Variants in FBXO47 observed in about 807,000 individuals in gnomAD.
FBXO47 encodes the protein F-box protein 47, also known as F-box only protein 47.
Under a neutral mutation model 53.9 loss-of-function variants are expected in FBXO47, and 34 were observed. The ratio of observed to expected loss-of-function variants is 0.63; its 90% CI spans 0.48 to 0.84. FBXO47 has a LOEUF of 0.84. Among genes scored for constraint, FBXO47 ranks in the 40% least tolerant of loss-of-function variants. FBXO47 has a pLI of 0.00. For synonymous variants in FBXO47, 165 were observed against 181.6 expected (o/e 0.91, Z 0.73); for missense variants, 485 against 541.3 (o/e 0.90, Z 1.03).
intron 8 of FBXO47, among the ~76,000 whole-genome samples, chr17:38,943,271 A>G (rs969288568): frequency 1.3e-5 from 2 of 152,100 alleles, no homozygotes; most frequent in African/African-American, 4.8e-5. Flanking sequence ...TCCTTTACTC[A>G]CAGAAGAGGG....
chr17:38,954,946 C>T lies in FBXO47; in HGVS notation c.430-13G>A, dbSNP rs1426653506. ...TAAAGCAGGAAACCTGTAAAGAAAA[C>T]AATGTTAATACCTCCTTGTCAGTGA... On this transcript the variant is annotated splice_polypyrimidine_tract_variant and intron_variant, in intron 4 of 10. Coordinates refer to ENST00000378079, the MANE Select transcript of FBXO47 (RefSeq NM_001008777.3). 1.3e-6 allele frequency: 2 copies of T among 1,575,340 alleles called. No homozygotes were observed. The highest frequency in any genetic ancestry group is 1.7e-6 in the Non-Finnish European group (2 of 1,148,248).
At chr17:38,957,384 A>G (rs555771887) in intron 3 of FBXO47, 131 bp from the exon 4 acceptor site, 1 of 612,154 alleles carries the variant, frequency 1.6e-6, no homozygotes, top group Non-Finnish European at 2.8e-6. Context: ...ATGATTTCTA[A>G]GAGAAAGTTT....
At chr17:38,938,430 G>C (rs577848742) in intron 10 of FBXO47, 143 bp downstream of exon 10, 1 of 579,284 alleles carries the variant, frequency 1.7e-6, no homozygotes, top group South Asian at 3.6e-5. Context: ...CTTATTGTTA[G>C]TTTTTATTTT....
chr17:38,947,029 C>CATATAT lies in FBXO47; in HGVS notation c.617-1894_617-1893insATATAT, dbSNP rs1567717606. ...ATATGTAAATATATATAAACATATA[C>CATATAT]AAATATATGTAAATATATAAAAACA... On this transcript the variant is annotated intron_variant, in intron 6 of 10. Transcript: ENST00000378079. Among the ~76,000 whole-genome samples the CATATAT allele has an allele frequency of 5.5e-4, 69 of 126,134 alleles. 1 individual carries two copies. The highest frequency in any genetic ancestry group is 1.8e-3 in the African/African-American group (58 of 32,102). The allele number at this position is 126,134 out of a possible 152,430, so 82.7% of individuals were successfully genotyped here.
At chr17:38,952,744 T>A (rs1905356703) in intron 5 of FBXO47, among the ~76,000 whole-genome samples, 1 of 151,898 alleles carries the variant, frequency 6.6e-6, no homozygotes, top group Non-Finnish European at 1.5e-5. Flanking sequence ...CCCCTAGTTG[T>A]CATTTATGAT....
At chr17:38,955,115 C>T (rs66506335) in intron 4 of FBXO47, among the ~76,000 whole-genome samples, 182 bp from the exon 5 acceptor site, 25,173 of 152,064 alleles carry the variant, frequency 0.17, 2,375 homozygotes, top group Middle Eastern at 0.34. Flanking sequence ...CGGCTGCGCG[C>T]GGTGGCTCAT....
chr17:38,938,513 T>C (rs1370746831), intron 10 of FBXO47, 60 bp downstream of exon 10: 1 of 1,240,952 alleles, frequency 8.1e-7, no homozygotes, highest in Non-Finnish European at 1.1e-6. Flanking sequence ...ATCTCTGTTT[T>C]AGGTGGAGAC....
chr17:38,950,176 C>A (rs764945603), intron 6 of FBXO47, among the ~76,000 whole-genome samples: 4 of 151,956 alleles, frequency 2.6e-5, no homozygotes, highest in Non-Finnish European at 4.4e-5. Context: ...TAACTCCCCA[C>A]TCCCCCCTCC....
chr17:38,957,212 C>T lies in FBXO47; in HGVS notation c.394G>A (p.Glu132Lys), dbSNP rs1305441852. The change falls in exon 4 of 11, where the codon GAA becomes AAA. Residue 132 changes from glutamate to lysine, a missense_variant. Transcript: ENST00000378079. ...KRCTLLLPTK[E>K]RLKYIHKILT... Reference sequence around the variant, plus strand: ...ATCTTGTGAATGTATTTTAGCCTTTCCTTGGTGGGTAGCAGCAATGTGCAT... The same window carrying T: ...ATCTTGTGAATGTATTTTAGCCTTTTCTTGGTGGGTAGCAGCAATGTGCAT... 5 of 1,611,804 alleles carry T rather than the reference C, an allele frequency of 3.1e-6. No homozygotes were observed. The highest frequency in any genetic ancestry group is 4.2e-6 in the Non-Finnish European group (5 of 1,178,534).
At chr17:38,965,683 C>A (rs545298883) in intron 1 of FBXO47, among the ~76,000 whole-genome samples, 3 of 134,630 alleles carry the variant, frequency 2.2e-5, no homozygotes, top group African/African-American at 8.5e-5. Flanking sequence ...ACCATCCTGG[C>A]TAACACGGTG....
At chr17:38,960,621 ATTCT>A (rs1159023097) in intron 3 of FBXO47, among the ~76,000 whole-genome samples, 2 of 150,364 alleles carry the variant, frequency 1.3e-5, no homozygotes, top group African/African-American at 4.9e-5. Flanking sequence ...ATTAAAAATA[ATTCT>A]TTCTCTTTTT....
intron 9 of FBXO47, among the ~76,000 whole-genome samples, chr17:38,942,190 AT>A (rs902091866): frequency 1.4e-4 from 22 of 151,896 alleles, no homozygotes; most frequent in African/African-American, 4.1e-4. Flanking sequence ...TTAACATGGA[AT>A]TTTTTTTTAA....
chr17:38,967,011 C>T (rs565957131), intron 1 of FBXO47, among the ~76,000 whole-genome samples: 3 of 151,908 alleles, frequency 2.0e-5, no homozygotes, highest in Non-Finnish European at 4.4e-5. Flanking sequence ...ACTACATTCA[C>T]AGGGATGTCT....
At chr17:38,941,642 A>ATATATATATATATATATG (rs924192946) in intron 9 of FBXO47, among the ~76,000 whole-genome samples, 26 of 144,220 alleles carry the variant, frequency 1.8e-4, no homozygotes, top group African/African-American at 6.4e-4. Flanking sequence ...ATATATATAT[A>ATATATATATATATATATG]TATGTATGTG....
chr17:38,960,640 T>C (rs1355788599), intron 3 of FBXO47, among the ~76,000 whole-genome samples: 1 of 150,832 alleles, frequency 6.6e-6, no homozygotes, highest in Non-Finnish European at 1.5e-5. Flanking sequence ...CTTTTTTTTT[T>C]TTTTTTTTTG....
intron 10 of FBXO47, among the ~76,000 whole-genome samples, chr17:38,937,750 C>A (rs2143872482): frequency 6.6e-6 from 1 of 152,208 alleles, no homozygotes; most frequent in South Asian, 2.1e-4. Context: ...TCACTGCAAG[C>A]TCCACCTCCT....
At chr17:38,966,842 C>T (rs1906155520) in intron 1 of FBXO47, among the ~76,000 whole-genome samples, 2 of 151,856 alleles carry the variant, frequency 1.3e-5, no homozygotes, top group African/African-American at 4.8e-5. Flanking sequence ...TTCTGGTTTC[C>T]GCTCACCCCT....
intron 4 of FBXO47, among the ~76,000 whole-genome samples, chr17:38,956,610 A>G (rs544810433): frequency 5.3e-4 from 81 of 151,960 alleles, no homozygotes; most frequent in African/African-American, 1.9e-3. Flanking sequence ...AAAAAAAAGA[A>G]AAAGTCAGTG....
chr17:38,955,497 G>T (rs568775685), intron 4 of FBXO47, among the ~76,000 whole-genome samples: 35 of 151,432 alleles, frequency 2.3e-4, no homozygotes, highest in Non-Finnish European at 4.9e-4. Flanking sequence ...AGGCTGGAGT[G>T]CAGTGGCATG....
Sources: allele counts gnomAD v4.1 joint callset (sites outside exome capture counted in the v4.1 genomes callset), GRCh38; gene constraint gnomAD v4.1.1; transcripts MANE v1.5; gene names NCBI Gene and HGNC (gene_info 2026-07-23, HGNC 2026-07-21).